PRDM16: variants seen among roughly 807,000 people sequenced by gnomAD.
PRDM16 encodes histone-lysine N-methyltransferase PRDM16.
A neutral mutation model predicts 110.6 loss-of-function variants in PRDM16; 23 were observed. That is an observed-to-expected ratio of 0.21 (90% CI 0.15 to 0.29). The LOEUF is 0.29. Among genes scored for constraint, PRDM16 ranks in the 10% least tolerant of loss-of-function variants. PRDM16 has a pLI of 1.00. For synonymous variants in PRDM16, 799 were observed against 781.8 expected, an observed-to-expected ratio of 1.02 and a Z score of -0.37; for missense variants, 1,615 against 1,794.3, an observed-to-expected ratio of 0.90 and a Z score of 1.81.
intron 4 of PRDM16, among the ~76,000 whole-genome samples, chr1:3,393,957 G>C (rs1643340015): frequency 6.6e-6 from 1 of 152,146 alleles, no homozygotes; most frequent in Admixed American, 6.5e-5. Flanking sequence ...GCAGGTCCAG[G>C]GCCAGGGAGG....
intron 3 of PRDM16, among the ~76,000 whole-genome samples, chr1:3,272,851 C>T (rs939690480): frequency 1.3e-5 from 2 of 152,172 alleles, no homozygotes; most frequent in African/African-American, 4.8e-5. Flanking sequence ...CTGCCTGTGC[C>T]GATGAAGGGG....
chr1:3,411,320 C>G, intron 8 of PRDM16, 64 bp from the exon 9 acceptor site: 1 of 1,520,716 alleles, frequency 6.6e-7, no homozygotes. Context: ...TTTCATGTGG[C>G]GTTTTCAGCA....
intron 3 of PRDM16, among the ~76,000 whole-genome samples, chr1:3,285,095 A>G (rs1413457212): frequency 6.6e-6 from 1 of 152,100 alleles, no homozygotes; most frequent in East Asian, 1.9e-4. Context: ...GGCCCCCCCA[A>G]GTTCTGGGCC....
intron 3 of PRDM16, among the ~76,000 whole-genome samples, chr1:3,318,100 G>C (rs1641654441): frequency 6.6e-6 from 1 of 152,232 alleles, no homozygotes; most frequent in South Asian, 2.1e-4. Flanking sequence ...GCAGTCATGA[G>C]CCGGAGTTGA....
chr1:3,131,638 C>G (rs887117414), intron 1 of PRDM16, among the ~76,000 whole-genome samples: 1 of 152,214 alleles, frequency 6.6e-6, no homozygotes, highest in Non-Finnish European at 1.5e-5. Flanking sequence ...AAAATTTTTG[C>G]ATGCCATTGG....
intron 15 of PRDM16, 47 bp downstream of exon 15, chr1:3,431,155 G>GC (rs780313552): frequency 3.2e-4 from 485 of 1,533,486 alleles, no homozygotes; most frequent in Non-Finnish European, 4.1e-4. Flanking sequence ...GGGAACGTGG[G>GC]CGTCCATCAC....
At chr1:3,089,396 G>C (rs1301363072) in intron 1 of PRDM16, among the ~76,000 whole-genome samples, 4 of 152,216 alleles carry the variant, frequency 2.6e-5, no homozygotes, top group Non-Finnish European at 5.9e-5. Context: ...GCCTCCACCT[G>C]GCTGCACCCT....
chr1:3,278,943 T>TGG (rs1238240204), intron 3 of PRDM16, among the ~76,000 whole-genome samples: 1 of 152,116 alleles, frequency 6.6e-6, no homozygotes, highest in African/African-American at 2.4e-5. Flanking sequence ...CGGCCGGCCC[T>TGG]GGAGATCCGT....
chr1:3,256,458 C>T (rs1333580440), intron 3 of PRDM16, among the ~76,000 whole-genome samples: 1 of 152,170 alleles, frequency 6.6e-6, no homozygotes, highest in East Asian at 1.9e-4. Context: ...ATCACACCAA[C>T]GTAGGTGTTC....
chr1:3,354,677 T>G (rs1310777773), intron 3 of PRDM16, among the ~76,000 whole-genome samples: 1 of 152,034 alleles, frequency 6.6e-6, no homozygotes, highest in Admixed American at 6.5e-5. Flanking sequence ...AGCGTTCCAT[T>G]TCTATTGGAT....
At chr1:3,325,749 A>T (rs1181119532) in intron 3 of PRDM16, among the ~76,000 whole-genome samples, 1 of 143,092 alleles carries the variant, frequency 7.0e-6, no homozygotes, top group South Asian at 2.2e-4. Flanking sequence ...CCCTCCTTGG[A>T]CTTCCTTGGC....
intron 5 of PRDM16, among the ~76,000 whole-genome samples, chr1:3,399,080 T>C (rs1643428209): frequency 1.3e-5 from 2 of 152,268 alleles, no homozygotes; most frequent in Admixed American, 1.3e-4. Context: ...CATTCGACTT[T>C]GTGTTTTGCT....
chr1:3,138,027 G>T (rs1193707199), intron 1 of PRDM16, among the ~76,000 whole-genome samples: 1 of 152,218 alleles, frequency 6.6e-6, no homozygotes, highest in African/African-American at 2.4e-5. Flanking sequence ...GCCAGGCAGG[G>T]GTGTCCTGCT....
intron 2 of PRDM16, among the ~76,000 whole-genome samples, chr1:3,225,573 T>TGTGTGTGTGTGC (rs1336272072): frequency 2.0e-4 from 26 of 129,906 alleles, no homozygotes; most frequent in South Asian, 7.3e-4. Flanking sequence ...TGTGTGTGTG[T>TGTGTGTGTGTGC]GCGCGCGCGC....
chr1:3,376,922 A>G (rs375986624), intron 3 of PRDM16, among the ~76,000 whole-genome samples: 1 of 152,208 alleles, frequency 6.6e-6, no homozygotes, highest in Non-Finnish European at 1.5e-5. Context: ...CCTATTGGGC[A>G]TCAGGATGGG....
intron 4 of PRDM16, among the ~76,000 whole-genome samples, chr1:3,387,652 C>G (rs1442675308): frequency 1.3e-5 from 2 of 152,218 alleles, no homozygotes; most frequent in African/African-American, 4.8e-5. Context: ...GCTGGAATGC[C>G]CGGGAAAGCA....
intron 1 of PRDM16, among the ~76,000 whole-genome samples, chr1:3,172,000 C>T (rs1038908934): frequency 2.6e-5 from 4 of 152,182 alleles, no homozygotes; most frequent in Non-Finnish European, 4.4e-5. Flanking sequence ...AAGGAGCATC[C>T]CTGGGCCCAG....
chr1:3,174,195 G>A (rs925756696), intron 1 of PRDM16, among the ~76,000 whole-genome samples: 2 of 152,264 alleles, frequency 1.3e-5, no homozygotes, highest in South Asian at 4.1e-4. Context: ...GCAAATCCCT[G>A]CCTCTGTCAT....
At chr1:3,394,401 G>T (rs1160984674) in intron 4 of PRDM16, 3 of 448,786 alleles carry the variant, frequency 6.7e-6, no homozygotes, top group South Asian at 3.1e-5. Flanking sequence ...CCCTCTGCCC[G>T]CCAGTGGAGC....
Sources: gnomAD v4.1 joint callset for allele counts (sites outside exome capture counted in the v4.1 genomes callset) on GRCh38, gnomAD v4.1.1 for gene constraint, MANE v1.5 for transcripts, NCBI Gene and HGNC (gene_info 2026-07-23, HGNC 2026-07-21) for gene names.